Variants in PCSK6 observed in about 807,000 individuals in gnomAD.
The protein encoded by PCSK6 is proprotein convertase subtilisin/kexin type 6, also known as paired basic amino acid cleaving enzyme 4.
PCSK6 carries 85 observed loss-of-function variants against 123.3 expected under a neutral mutation model. That is an observed-to-expected ratio of 0.69 (90% confidence interval 0.58 to 0.83). The LOEUF (loss-of-function observed/expected upper bound fraction) is 0.83, where lower values mean the gene tolerates loss of function less well. Ranked by LOEUF, PCSK6 falls within the 40% of genes least tolerant of loss-of-function variation. PCSK6 has a pLI of 0.00. For missense variants in PCSK6, 1,191 were observed against 1,282.3 expected (o/e 0.93, Z 1.09); for synonymous variants, 508 against 516.0 (o/e 0.98, Z 0.21).
At chr15:101,461,958 G>T (rs528910578) in intron 1 of PCSK6, among the ~76,000 whole-genome samples, 1 of 152,300 alleles carries the variant, frequency 6.6e-6, no homozygotes, top group South Asian at 2.1e-4. Context: ...TATACTGAAA[G>T]TTCTAGTCAA....
At chr15:101,369,732 A>G (rs1038260666) in intron 12 of PCSK6, among the ~76,000 whole-genome samples, 2 of 142,996 alleles carry the variant, frequency 1.4e-5, no homozygotes, top group African/African-American at 5.5e-5. Flanking sequence ...TGTTAAAGAA[A>G]TGACTCCATA....
chr15:101,480,636 C>T (rs1402311015), intron 1 of PCSK6, among the ~76,000 whole-genome samples: 4 of 152,240 alleles, frequency 2.6e-5, no homozygotes, highest in African/African-American at 9.6e-5. Context: ...TCAGGAAAAA[C>T]CACAGCTTGA....
At chr15:101,422,644 G>A (rs1288210486) in intron 6 of PCSK6, among the ~76,000 whole-genome samples, 3 of 150,636 alleles carry the variant, frequency 2.0e-5, no homozygotes, top group East Asian at 1.9e-4. Context: ...TTTTTGAGAC[G>A]GAGTCTCGCT....
intron 6 of PCSK6, among the ~76,000 whole-genome samples, chr15:101,404,760 T>C (rs554831486): frequency 6.6e-6 from 1 of 152,318 alleles, no homozygotes; most frequent in African/African-American, 2.4e-5. Flanking sequence ...AGCAGGGTTC[T>C]CTTTGCCCTT....
intron 16 of PCSK6, among the ~76,000 whole-genome samples, chr15:101,325,604 G>A (rs145740684): frequency 5.0e-4 from 76 of 152,318 alleles, no homozygotes; most frequent in African/African-American, 1.5e-3. Context: ...TCCTGTCATC[G>A]TGGCCTCTGA....
intron 10 of PCSK6, among the ~76,000 whole-genome samples, chr15:101,383,770 T>C (rs1359347410): frequency 1.3e-5 from 2 of 152,228 alleles, no homozygotes; most frequent in Non-Finnish European, 2.9e-5. Context: ...ACATTTATTT[T>C]AATAATTATG....
intron 13 of PCSK6, among the ~76,000 whole-genome samples, chr15:101,341,679 C>T (rs1397964090): frequency 2.6e-5 from 4 of 152,136 alleles, no homozygotes; most frequent in African/African-American, 9.7e-5. Context: ...GAAAACAAAG[C>T]TGAGCAAAGT....
At chr15:101,327,031 G>A (rs377499470) in intron 15 of PCSK6, among the ~76,000 whole-genome samples, 194 of 152,320 alleles carry the variant, frequency 1.3e-3, no homozygotes, top group African/African-American at 4.3e-3. Flanking sequence ...CGCCTGGTGG[G>A]GCTGTTGCTG....
At chr15:101,327,710 C>T (rs1227642761) in intron 15 of PCSK6, among the ~76,000 whole-genome samples, 5 of 152,134 alleles carry the variant, frequency 3.3e-5, no homozygotes, top group African/African-American at 9.7e-5. Context: ...TGCTGGGGCA[C>T]GCAAAGCCCT....
At chr15:101,345,407 G>A (rs1422498430) in intron 13 of PCSK6, among the ~76,000 whole-genome samples, 3 of 151,816 alleles carry the variant, frequency 2.0e-5, no homozygotes, top group Non-Finnish European at 4.4e-5. Flanking sequence ...CTGAAAAAAA[G>A]GCAAACAGAT....
At chr15:101,306,158 G>A (rs187740279) in intron 21 of PCSK6, among the ~76,000 whole-genome samples, 17 of 152,208 alleles carry the variant, frequency 1.1e-4, no homozygotes, top group Non-Finnish European at 1.5e-4. Flanking sequence ...GGGAGCCGCC[G>A]TGGACAGGAC....
In PCSK6 at chr15:101,318,386, T is replaced by C; in HGVS notation, c.2502A>G (p.Pro834=). 1.3e-6 allele frequency: 2 copies of C among 1,564,300 alleles called. No individual in the cohort carries two copies. The highest frequency in any genetic ancestry group is 1.7e-6 in the Non-Finnish European group (2 of 1,154,416). ...TCAGCTCTGAGTCAAAGTAGGTGCC[T>C]GGCTCACAGTCAGGAATGCAGCTGC... is the stretch of plus-strand genomic sequence containing the variant. ...ARGSCIPDCE[P]GTYFDSELIR... The change falls in exon 19 of 22, where the codon CCA becomes CCG. Residue 834 remains proline, a synonymous_variant. Coordinates refer to ENST00000611716, the MANE Select transcript of PCSK6 (RefSeq NM_002570.5).
chr15:101,427,215 G>A (rs1000513), intron 6 of PCSK6, among the ~76,000 whole-genome samples: 40,384 of 152,124 alleles, frequency 0.27, 5,674 homozygotes, highest in East Asian at 0.33. Context: ...GGGCAGGGGC[G>A]GCTGCTGCTC....
chr15:101,482,353 C>T (rs1357665226), intron 1 of PCSK6, among the ~76,000 whole-genome samples: 3 of 152,158 alleles, frequency 2.0e-5, no homozygotes, highest in Non-Finnish European at 4.4e-5. Context: ...GGCTTCTGGT[C>T]GGTGGCAAGG....
At chr15:101,342,662 G>T (rs975421763) in intron 13 of PCSK6, among the ~76,000 whole-genome samples, 13 of 152,228 alleles carry the variant, frequency 8.5e-5, no homozygotes, top group Admixed American at 1.3e-4. Context: ...AGCACTTTGG[G>T]AGGCTGAGGC....
chr15:101,431,532 A>C, intron 3 of PCSK6, 69 bp from the exon 4 acceptor site: 1 of 1,596,498 alleles, frequency 6.3e-7, no homozygotes, highest in Non-Finnish European at 8.6e-7. Flanking sequence ...CACTCGGTGC[A>C]CACCCCACAG....
At chr15:101,370,717 G>A (rs749945459) in intron 11 of PCSK6, among the ~76,000 whole-genome samples, 194 bp from the exon 12 acceptor site, 31 of 152,282 alleles carry the variant, frequency 2.0e-4, no homozygotes, top group Non-Finnish European at 4.3e-4. Context: ...TCCTGAAGAC[G>A]TTTATGCCTC....
In PCSK6 at chr15:101,393,431, G is replaced by A; in HGVS notation, c.997-7C>T. The A allele has an allele frequency of 2.5e-6, 4 of 1,599,994 alleles. No individual in the cohort carries two copies. The highest frequency in any genetic ancestry group is 3.4e-6 in the Non-Finnish European group (4 of 1,175,100). On this transcript the variant is annotated splice_region_variant and splice_polypyrimidine_tract_variant and intron_variant, in intron 7 of 21. Transcript: ENST00000611716. ...AGCCCAGGCCCTGCCGGCCCTGGAG[G>A]GACAAGAGGAACAAGGCTTAGCCCC...
chr15:101,396,519 C>T (rs770672527), intron 7 of PCSK6, among the ~76,000 whole-genome samples: 2 of 152,300 alleles, frequency 1.3e-5, no homozygotes, highest in East Asian at 1.9e-4. Context: ...CCACCCTCTC[C>T]GAAGCTTAAA....
Sources: gnomAD v4.1 joint callset for allele counts (sites outside exome capture counted in the v4.1 genomes callset) on GRCh38, gnomAD v4.1.1 for gene constraint, MANE v1.5 for transcripts, NCBI Gene and HGNC (gene_info 2026-07-23, HGNC 2026-07-21) for gene names.